GTF3C2: variants seen among roughly 807,000 people sequenced by gnomAD.
The protein encoded by GTF3C2 is general transcription factor IIIC subunit 2.
GTF3C2 carries 17 observed loss-of-function variants against 117.4 expected under a neutral mutation model. The ratio of observed to expected loss-of-function variants is 0.14; its 90% CI spans 0.10 to 0.22. GTF3C2 has a LOEUF of 0.22. GTF3C2 is among the 10% of genes least tolerant of loss of function. The pLI is 1.00. For synonymous variants in GTF3C2, 437 were observed against 427.0 expected (o/e 1.02, Z -0.29); for missense variants, 888 against 1,143.6 (o/e 0.78, Z 3.22).
chr2:27,337,388 C>T (rs1680527085), intron 6 of GTF3C2, 46 bp from the exon 7 acceptor site: 1 of 1,498,624 alleles, frequency 6.7e-7, no homozygotes, highest in Admixed American at 1.7e-5. Context: ...AGTGTTTCAC[C>T]CATCTCAGGG....
intron 1 of GTF3C2, among the ~76,000 whole-genome samples, chr2:27,355,119 A>T (rs886095729): frequency 2.9e-4 from 44 of 152,230 alleles, no homozygotes; most frequent in African/African-American, 9.9e-4. Flanking sequence ...CCAATCTGAT[A>T]GGTGAAAGAA....
At chr2:27,341,269 C>T (rs370826306) in intron 4 of GTF3C2, among the ~76,000 whole-genome samples, 2 of 151,854 alleles carry the variant, frequency 1.3e-5, no homozygotes, top group Admixed American at 6.6e-5. Flanking sequence ...CTCCTGACCT[C>T]GGGTGATCCA....
intron 10 of GTF3C2, among the ~76,000 whole-genome samples, chr2:27,334,831 G>A (rs1307840804): frequency 6.6e-6 from 1 of 151,882 alleles, no homozygotes; most frequent in Non-Finnish European, 1.5e-5. Context: ...TTTTTGTCGA[G>A]ACGACATCTC....
At chr2:27,332,258 G>GCCT (rs1426749574) in intron 12 of GTF3C2, among the ~76,000 whole-genome samples, 1 of 152,016 alleles carries the variant, frequency 6.6e-6, no homozygotes, top group Non-Finnish European at 1.5e-5. Flanking sequence ...CGATCCTCCT[G>GCCT]CCTCAGCCTC....
intron 1 of GTF3C2, among the ~76,000 whole-genome samples, chr2:27,351,797 C>T (rs186138913): frequency 6.6e-6 from 1 of 152,320 alleles, no homozygotes; most frequent in East Asian, 1.9e-4. Context: ...TCACATCCCA[C>T]CTACCTCAGG....
At chr2:27,343,114 G>T in exon 3 of GTF3C2, 8 of 1,597,336 alleles carry the variant, frequency 5.0e-6, no homozygotes, top group Non-Finnish European at 6.8e-6. Context: ...TGAGGCCCTA[G>T]GCTTTGAGAC....
intron 4 of GTF3C2, among the ~76,000 whole-genome samples, chr2:27,341,225 G>A (rs377401058): frequency 1.1e-4 from 16 of 151,758 alleles, no homozygotes; most frequent in East Asian, 3.9e-4. Flanking sequence ...TAGGAGAGAC[G>A]GGGTTTCACT....
rs1191707476 is a variant in GTF3C2, at chr2:27,329,179, G to C, written c.1981C>G (p.Leu661Val). The change falls in exon 14 of 19, where the codon CTG becomes GTG. Residue 661 changes from leucine (L) to valine (V), a missense_variant. Leu to Val is a conservative substitution (Grantham distance 32). Around this residue, in one of 7 missense-constraint regions of GTF3C2, gnomAD observed 277 missense variants for 445.4 expected, o/e 0.62. Coordinates refer to ENST00000264720, the Ensembl canonical transcript of GTF3C2. This position sits in a 1 kb window ranked among gnomAD's most constrained non-coding sequence, Gnocchi z 4.5. Reference sequence around the variant, plus strand: ...CCATTGTAGGGAAGCAGCCAGGCCAGTTCTGTACTCAAGAAGCGCTTGATA... The same window carrying C: ...CCATTGTAGGGAAGCAGCCAGGCCACTTCTGTACTCAAGAAGCGCTTGATA... The C allele has an allele frequency of 6.2e-7, 1 of 1,614,156 alleles. No individual in the cohort carries two copies. The highest frequency in any genetic ancestry group is 8.5e-7 in the Non-Finnish European group (1 of 1,179,984).
At chr2:27,328,314 T>C (rs570950242) in intron 16 of GTF3C2, 125 bp from the exon 17 acceptor site, 18 of 1,008,586 alleles carry the variant, frequency 1.8e-5, no homozygotes, top group Middle Eastern at 2.5e-4. Context: ...TATGCTCAGA[T>C]GCAGTACGGT....
chr2:27,340,245 A>G (rs984662675), intron 4 of GTF3C2: 6 of 152,054 alleles, frequency 3.9e-5, no homozygotes, highest in Non-Finnish European at 7.3e-5. Context: ...ATTACCTTAC[A>G]TATCTCTTCT....
intron 1 of GTF3C2, among the ~76,000 whole-genome samples, chr2:27,348,420 T>G (rs1011608300): frequency 1.3e-5 from 2 of 149,768 alleles, no homozygotes; most frequent in Admixed American, 1.3e-4. Context: ...AGCCTGGAGT[T>G]GAGACTCTGT....
rs1680824068 is a variant in GTF3C2, at chr2:27,343,683, G to C, written c.-24-105C>G. The C allele has an allele frequency of 4.5e-6, 4 of 894,628 alleles. No homozygotes were observed. The East Asian group carries it at 1.0e-4, about 22-fold the overall frequency. 55.4% of individuals were successfully genotyped at this position (894,628 alleles called of 1,614,324 possible). Reference sequence around the variant, plus strand: ...CCCTCATTCTCACACTCATAACCAAGTTCCCTGATTATTCACTTATTCAAC... The same window carrying C: ...CCCTCATTCTCACACTCATAACCAACTTCCCTGATTATTCACTTATTCAAC... On this transcript the variant is annotated intron_variant, in intron 1 of 18. Transcript: ENST00000264720.
intron 1 of GTF3C2, among the ~76,000 whole-genome samples, chr2:27,352,561 A>G (rs1681172087): frequency 6.6e-6 from 1 of 152,152 alleles, no homozygotes; most frequent in South Asian, 2.1e-4. Flanking sequence ...CAGCATTTAA[A>G]TATGTTTATA....
At chr2:27,343,011 G>A in exon 3 of GTF3C2, 2 of 1,614,216 alleles carry the variant, frequency 1.2e-6, no homozygotes, top group Non-Finnish European at 1.7e-6. Context: ...ATTGATCTAA[G>A]AGACCAGGAA....
At chr2:27,343,536 C>T (rs142645928) in exon 2 of GTF3C2, 4 of 1,613,916 alleles carry the variant, frequency 2.5e-6, no homozygotes, top group South Asian at 2.2e-5. Flanking sequence ...GCAACATAGC[C>T]GACCCCGCAG....
chr2:27,353,194 AC>A (rs1309531121), intron 1 of GTF3C2, among the ~76,000 whole-genome samples: 1 of 152,104 alleles, frequency 6.6e-6, no homozygotes, highest in Non-Finnish European at 1.5e-5. Context: ...GGAGATCGAG[AC>A]CATCCTGGCC....
At chr2:27,338,428 G>A (rs989858494) in intron 4 of GTF3C2, among the ~76,000 whole-genome samples, 4 of 151,402 alleles carry the variant, frequency 2.6e-5, no homozygotes, top group African/African-American at 4.9e-5. Flanking sequence ...TCGTCTTCTC[G>A]CCCCTCTACA....
chr2:27,326,748 A>G (rs780396358), exon 19 of GTF3C2: 1 of 1,614,142 alleles, frequency 6.2e-7, no homozygotes, highest in East Asian at 2.2e-5. Flanking sequence ...TGGTTGGAAC[A>G]TAGCATTGAA....
At chr2:27,352,005 TCTAA>T (rs879406961) in intron 1 of GTF3C2, among the ~76,000 whole-genome samples, 20 of 152,302 alleles carry the variant, frequency 1.3e-4, no homozygotes, top group African/African-American at 3.8e-4. Flanking sequence ...CACTAAGACA[TCTAA>T]CTATCTGATC....
Sources: gnomAD v4.1 joint callset for allele counts (sites outside exome capture counted in the v4.1 genomes callset) on GRCh38, gnomAD v4.1.1 for gene constraint, gnomAD v4.1.1 regional missense constraint, Gnocchi (gnomAD v3.1) non-coding constraint, MANE v1.5 for transcripts, NCBI Gene and HGNC (gene_info 2026-07-23, HGNC 2026-07-21) for gene names.